The following FGL1 variants were observed in gnomAD, a reference collection of about 807,000 sequenced individuals.
FGL1 encodes the protein fibrinogen like 1, also known as fibrinogen-like protein 1.
In FGL1, 59 loss-of-function variants were observed where a neutral mutation model predicts 43.7. The observed-to-expected ratio is 1.35, with a 90% CI of 1.10 to 1.68. The LOEUF is 1.68. FGL1 is among the 40% of genes most tolerant of loss of function. The pLI is 0.00. For synonymous variants in FGL1, 192 were observed against 126.5 expected (o/e 1.52, Z -3.48); for missense variants, 596 against 373.0 (o/e 1.60, Z -4.92).
intron 3 of FGL1, among the ~76,000 whole-genome samples, chr8:17,875,371 A>T (rs1225564489): frequency 6.6e-6 from 1 of 152,098 alleles, no homozygotes; most frequent in Non-Finnish European, 1.5e-5. Context: ...GTTTTTGCTA[A>T]AAACTGCAAG....
intron 2 of FGL1, among the ~76,000 whole-genome samples, chr8:17,884,533 C>G (rs577475398): frequency 3.8e-4 from 58 of 152,180 alleles, no homozygotes; most frequent in South Asian, 3.7e-3. Context: ...GTTACTCTAT[C>G]CCTAACACTC....
At chr8:17,880,528 C>G (rs1217146672) in intron 3 of FGL1, among the ~76,000 whole-genome samples, 1 of 152,182 alleles carries the variant, frequency 6.6e-6, no homozygotes, top group African/African-American at 2.4e-5. Context: ...TGCTATTCCT[C>G]TCCCTATGAA....
intron 1 of FGL1, 34 bp from the exon 2 acceptor site, chr8:17,885,605 A>G: frequency 6.3e-7 from 1 of 1,587,436 alleles, no homozygotes; most frequent in Middle Eastern, 1.7e-4. Flanking sequence ...TAAATGTATC[A>G]ACCTTGAATT....
At chr8:17,871,180 A>T (rs2276473) in intron 5 of FGL1, among the ~76,000 whole-genome samples, 2 of 152,028 alleles carry the variant, frequency 1.3e-5, no homozygotes, top group African/African-American at 4.8e-5. Context: ...AGGCAGGCTA[A>T]GTCAACTGTC....
intron 3 of FGL1, among the ~76,000 whole-genome samples, chr8:17,877,332 G>A (rs1026137569): frequency 1.3e-5 from 2 of 152,080 alleles, no homozygotes; most frequent in African/African-American, 4.8e-5. Flanking sequence ...TATTAAACTG[G>A]GTTATGTGTG....
chr8:17,892,550 G>A (rs374549513), intron 1 of FGL1, among the ~76,000 whole-genome samples: 7 of 152,182 alleles, frequency 4.6e-5, no homozygotes, highest in South Asian at 2.1e-4. Flanking sequence ...TCAGCATAAC[G>A]ACATGACATA....
intron 1 of FGL1, among the ~76,000 whole-genome samples, chr8:17,890,073 T>G (rs75992151): frequency 0.037 from 5,613 of 152,300 alleles, 147 homozygotes; most frequent in Non-Finnish European, 0.057. Flanking sequence ...ACATGAAATC[T>G]CACGATGTCT....
Position 17,882,077 on chromosome 8 carries a change from G to A in FGL1, c.166C>T (p.Gln56Ter). ...TCAAGGAACTGGACTTCATTCTCCT[G>A]CAAAAGCTGCTTGATCTTGACCTGT... is the stretch of plus-strand genomic sequence containing the variant. ...QQQVKIKQLLQENEVQFLDKG... is the reference protein window; with the variant it reads ...QQQVKIKQLL Residue 56 changes from glutamine to a stop codon, truncating the protein, a stop_gained, in exon 3 of 8, where the codon CAG becomes TAG. Coordinates refer to ENST00000427924, the MANE Select transcript of FGL1 (RefSeq NM_004467.4). LOFTEE classifies it high-confidence loss of function. 1 of 1,614,024 alleles carries A rather than the reference G, an allele frequency of 6.2e-7. No individual in the cohort carries two copies. Among genetic ancestry groups the A allele is most frequent in the African/African-American group, 1.3e-5 (1 of 75,002 alleles).
chr8:17,885,382 T>A, intron 2 of FGL1, 110 bp downstream of exon 2: 1 of 872,638 alleles, frequency 1.1e-6, no homozygotes, highest in Non-Finnish European at 1.8e-6. Flanking sequence ...TTTTCCCACA[T>A]AGTTAAGTTT....
At chr8:17,871,175 G>C (rs913011354) in intron 5 of FGL1, among the ~76,000 whole-genome samples, 2 of 152,030 alleles carry the variant, frequency 1.3e-5, no homozygotes, top group African/African-American at 4.8e-5. Flanking sequence ...CAGCAAGGCA[G>C]GCTAAGTCAA....
rs559459875 is a variant in FGL1 at position 17,873,929 on chromosome 8, T to C, written c.502+90A>G. On this transcript the variant is annotated intron_variant, in intron 5 of 7. Coordinates refer to ENST00000427924, the MANE Select transcript of FGL1 (RefSeq NM_004467.4). Reference sequence around the variant, plus strand: ...TCTGCAAATCATAGCAATTATTGAATTAGTTCCATTGCCTATAATTTGGTT... The same window carrying C: ...TCTGCAAATCATAGCAATTATTGAACTAGTTCCATTGCCTATAATTTGGTT... 6.2e-5 allele frequency: 48 copies of C among 774,184 alleles called. No individual in the cohort carries two copies. The South Asian group carries it at 1.1e-3, about 17-fold the overall frequency. 48.0% of individuals were successfully genotyped at this position (774,184 alleles called of 1,614,324 possible).
chr8:17,881,505 G>A (rs1348765783), intron 3 of FGL1, among the ~76,000 whole-genome samples: 1 of 151,042 alleles, frequency 6.6e-6, no homozygotes, highest in Non-Finnish European at 1.5e-5. Flanking sequence ...CAGATATTTA[G>A]CATTCACATT....
intron 7 of FGL1, among the ~76,000 whole-genome samples, chr8:17,866,214 T>C (rs36099795): frequency 0.052 from 7,988 of 152,280 alleles, 280 homozygotes; most frequent in Non-Finnish European, 0.076. Context: ...GTTTAGTTTT[T>C]AGAACAGCCT....
chr8:17,868,508 T>C, intron 7 of FGL1, 40 bp downstream of exon 7: 1 of 1,488,036 alleles, frequency 6.7e-7, no homozygotes, highest in Non-Finnish European at 9.1e-7. Context: ...CAGTGAGATA[T>C]CATCAACTCC....
rs1295183360 is a variant in FGL1 at position 17,868,964 on chromosome 8, T to C, written c.543A>G (p.Lys181=). 4 of 1,606,160 alleles carry C rather than the reference T, an allele frequency of 2.5e-6. No individual in the cohort carries two copies. Among genetic ancestry groups the C allele is most frequent in the Non-Finnish European group, 3.4e-6 (4 of 1,177,636 alleles). ...TCTTATATTGTGCATAACGGCTATT[T>C]TTTTCAAAATCTGCAAGGTCGATTT... ...TLKIDLADFE[K]NSRYAQYKNF... is the part of the protein sequence containing the mutation. Residue 181 remains lysine (K), a synonymous_variant, in exon 6 of 8, where the codon AAA becomes AAG. Transcript: ENST00000427924.
chr8:17,872,416 C>T (rs960508404), intron 5 of FGL1, among the ~76,000 whole-genome samples: 1 of 150,806 alleles, frequency 6.6e-6, no homozygotes, highest in South Asian at 2.1e-4. Context: ...AATTCTCCTG[C>T]CTCAGCCTCC....
Position 17,864,713 on chromosome 8 carries a change from C to A in FGL1, c.818G>T (p.Gly273Val), listed in dbSNP as rs756050916. The A allele has an allele frequency of 3.1e-6, 5 of 1,612,192 alleles. No individual in the cohort carries two copies. In the East Asian group the frequency reaches 8.9e-5, roughly 29 times the overall value. Residue 273 changes from glycine (G) to valine (V), a missense_variant, in exon 8 of 8, where the codon GGC becomes GTC. Physicochemically the swap from Gly to Val is moderately radical, Grantham distance 109. Transcript: ENST00000427924. ...SANLNGVYYSGPYTAKTDNGI... is the reference protein window; with the variant it reads ...SANLNGVYYSVPYTAKTDNGI... ...ATTGTCTGTTTTAGCCGTGTAGGGGCCGCTGTAGTATACACCATTCAGGTT... is the reference window on the plus strand; with the variant it reads ...ATTGTCTGTTTTAGCCGTGTAGGGGACGCTGTAGTATACACCATTCAGGTT...
chr8:17,884,993 T>A (rs1563459541), intron 2 of FGL1, among the ~76,000 whole-genome samples: 2 of 152,086 alleles, frequency 1.3e-5, no homozygotes, highest in East Asian at 3.9e-4. Context: ...AGTGAATTTT[T>A]AAAAATTACT....
At chr8:17,873,236 C>G (rs1177753482) in intron 5 of FGL1, among the ~76,000 whole-genome samples, 1 of 152,150 alleles carries the variant, frequency 6.6e-6, no homozygotes. Context: ...AAAAATGACT[C>G]CATGCCAATT....
Sources: allele counts gnomAD v4.1 joint callset (sites outside exome capture counted in the v4.1 genomes callset), GRCh38; gene constraint gnomAD v4.1.1; transcripts MANE v1.5; gene names NCBI Gene and HGNC (gene_info 2026-07-23, HGNC 2026-07-21).